Variants in CA5A observed in about 807,000 individuals in gnomAD.
CA5A encodes carbonic anhydrase 5A, mitochondrial.
CA5A carries 28 observed loss-of-function variants against 37.1 expected under a neutral mutation model. The ratio of observed to expected loss-of-function variants is 0.75; its 90% CI spans 0.56 to 1.03. The LOEUF is 1.03. Ranked by LOEUF, CA5A falls within the 50% of genes least tolerant of loss-of-function variation. CA5A has a pLI of 0.00. For missense variants in CA5A, 444 were observed against 399.9 expected (o/e 1.11, Z -0.94); for synonymous variants, 171 against 158.4 (o/e 1.08, Z -0.60).
Position 87,919,325 on chromosome 16 carries a change from G to A in CA5A, c.340+7423C>T, listed in dbSNP as rs546601279. On this transcript the variant is annotated intron_variant, in intron 2 of 6. Coordinates refer to ENST00000649794, the MANE Select transcript of CA5A (RefSeq NM_001739.2). The stretch of plus-strand genomic sequence containing the variant: ...TCCTCGGCTGTCCTGCGGGAGTGCT[G>A]CCTCCCACTCTCCAAACACACCTTG... Among the ~76,000 whole-genome samples, 352 of 152,298 alleles carry A rather than the reference G, an allele frequency of 2.3e-3. 4 individuals are homozygous for A. In the Middle Eastern group the frequency reaches 0.024, roughly 10 times the overall value.
At chr16:87,898,442 A>T (rs1293184554) in intron 5 of CA5A, among the ~76,000 whole-genome samples, 1 of 152,224 alleles carries the variant, frequency 6.6e-6, no homozygotes, top group Non-Finnish European at 1.5e-5. Flanking sequence ...AGCATTTTCC[A>T]TCACAAGGCC....
rs1398236888 is a variant in CA5A, at chr16:87,891,794, C to G, written c.774+5G>C. Reference sequence around the variant, plus strand: ...GCCATCGTGCCAGTTACGGGCACGGCTCACCTGGCTTGGGGCCACTTCAAC... The same window carrying G: ...GCCATCGTGCCAGTTACGGGCACGGGTCACCTGGCTTGGGGCCACTTCAAC... On this transcript the variant is annotated splice_donor_5th_base_variant and intron_variant, in intron 6 of 6. Coordinates refer to ENST00000649794, the MANE Select transcript of CA5A (RefSeq NM_001739.2). 3 of 1,503,038 alleles carry G rather than the reference C, an allele frequency of 2.0e-6. No homozygotes were observed. The highest frequency in any genetic ancestry group is 4.5e-4 in the Middle Eastern group (2 of 4,432). 93.1% of individuals were successfully genotyped at this position (1,503,038 alleles called of 1,614,324 possible). A position where few individuals can be genotyped will look rare whatever the true frequency, so the allele number is the denominator to read the frequency against.
chr16:87,908,270 A>T (rs1408685306), intron 2 of CA5A, among the ~76,000 whole-genome samples: 1 of 152,188 alleles, frequency 6.6e-6, no homozygotes, highest in African/African-American at 2.4e-5. Context: ...CAAGTAGCTT[A>T]GCCTCTCTGA....
chr16:87,890,941 T>C (rs2055704351), intron 6 of CA5A, among the ~76,000 whole-genome samples: 1 of 151,744 alleles, frequency 6.6e-6, no homozygotes, highest in South Asian at 2.1e-4. Flanking sequence ...ATTACAGGCA[T>C]GCACCACCAC....
intron 1 of CA5A, among the ~76,000 whole-genome samples, chr16:87,935,982 C>G (rs1432350343): frequency 6.6e-6 from 1 of 152,008 alleles, no homozygotes; most frequent in Non-Finnish European, 1.5e-5. Flanking sequence ...ACCAACCTGG[C>G]TAACACAGTG....
At chr16:87,896,998 C>A (rs774475365) in intron 5 of CA5A, among the ~76,000 whole-genome samples, 19 of 152,262 alleles carry the variant, frequency 1.2e-4, no homozygotes, top group Non-Finnish European at 2.8e-4. Flanking sequence ...AAGCCCCACC[C>A]AGCCTAACTC....
chr16:87,926,955 G>C lies in CA5A; in HGVS notation c.143-10C>G. On this transcript the variant is annotated splice_polypyrimidine_tract_variant and intron_variant, in intron 1 of 6. Coordinates refer to ENST00000649794, the MANE Select transcript of CA5A (RefSeq NM_001739.2). ...GTCCAGAGTGGGTGCACTGCAGGGA[G>C]AGAGACGGAGACCCTGAGTGAGGCA... 6.5e-7 allele frequency: 1 copy of C among 1,531,706 alleles called. No homozygotes were observed. Among genetic ancestry groups the C allele is most frequent in the Non-Finnish European group, 8.9e-7 (1 of 1,126,160 alleles). The allele number at this position is 1,531,706 out of a possible 1,614,324, so 94.9% of individuals were successfully genotyped here. A position where few individuals can be genotyped will look rare whatever the true frequency, so the allele number is the denominator to read the frequency against.
chr16:87,920,005 G>A (rs1026563067), intron 2 of CA5A, among the ~76,000 whole-genome samples: 13 of 152,198 alleles, frequency 8.5e-5, no homozygotes, highest in Admixed American at 5.9e-4. Flanking sequence ...GCCTGTACCA[G>A]CATTCCCCAT....
intron 2 of CA5A, among the ~76,000 whole-genome samples, chr16:87,921,890 C>T (rs1012854240): frequency 6.6e-6 from 1 of 150,906 alleles, no homozygotes; most frequent in African/African-American, 2.4e-5. Context: ...TTTTGAGAGA[C>T]AGGATCTCGC....
chr16:87,924,862 T>C (rs2056282516), intron 2 of CA5A, among the ~76,000 whole-genome samples: 1 of 152,210 alleles, frequency 6.6e-6, no homozygotes, highest in Admixed American at 6.5e-5. Context: ...TGTGGGAGTT[T>C]CTGGGCAGAT....
At chr16:87,892,510 AAATAATAATAATAAT>A (rs371000298) in intron 5 of CA5A, among the ~76,000 whole-genome samples, 3,440 of 135,276 alleles carry the variant, frequency 0.025, 44 homozygotes, top group African/African-American at 0.041. Flanking sequence ...ACTCTGTCTC[AAATAATAATAATAAT>A]AATAATAATA....
At position 87,927,026 on chromosome 16, in the gene CA5A, G is replaced by A. The variant is rs777104853; in HGVS notation, c.143-81C>T. On this transcript the variant is annotated intron_variant, in intron 1 of 6. Transcript: ENST00000649794. The stretch of plus-strand genomic sequence containing the variant: ...GGACGGACAGGGCAGAAACCCGGCC[G>A]CACGAGACCCCTCACGTCCTGGCTC... The A allele has an allele frequency of 5.4e-5, 53 of 979,546 alleles. 2 individuals are homozygous for A. The South Asian group carries it at 6.2e-4, about 11-fold the overall frequency. The allele number at this position is 979,546 out of a possible 1,614,324, so 60.7% of individuals were successfully genotyped here.
chr16:87,898,769 C>G (rs2143933926), intron 5 of CA5A, among the ~76,000 whole-genome samples: 1 of 141,956 alleles, frequency 7.0e-6, no homozygotes, highest in East Asian at 2.0e-4. Flanking sequence ...GATTCTCGAG[C>G]TGTCACCCAG....
At chr16:87,923,869 A>G in intron 2 of CA5A, 1 of 984,188 alleles carries the variant, frequency 1.0e-6, no homozygotes. Flanking sequence ...CAAAATTACT[A>G]ATACATTCAC....
At chr16:87,918,907 G>A (rs2056192467) in intron 2 of CA5A, among the ~76,000 whole-genome samples, 1 of 152,204 alleles carries the variant, frequency 6.6e-6, no homozygotes, top group Non-Finnish European at 1.5e-5. Context: ...GAGACGGGGA[G>A]GGGACCGGGA....
At chr16:87,898,070 G>A (rs997420797) in intron 5 of CA5A, among the ~76,000 whole-genome samples, 17 of 152,194 alleles carry the variant, frequency 1.1e-4, no homozygotes, top group Non-Finnish European at 2.4e-4. Context: ...CCTGAGCACT[G>A]CATAGAAGCC....
At chr16:87,909,466 G>C (rs776457982) in intron 2 of CA5A, among the ~76,000 whole-genome samples, 3 of 152,252 alleles carry the variant, frequency 2.0e-5, no homozygotes, top group Non-Finnish European at 4.4e-5. Context: ...TGCAAAGGAA[G>C]GCTGGGCCGC....
At chr16:87,923,219 C>G (rs1406986141) in intron 2 of CA5A, among the ~76,000 whole-genome samples, 1 of 152,172 alleles carries the variant, frequency 6.6e-6, no homozygotes, top group Admixed American at 6.6e-5. Context: ...GATGGAGTCT[C>G]GCTCTGTCAC....
At chr16:87,919,630 G>A (rs917997652) in intron 2 of CA5A, among the ~76,000 whole-genome samples, 9 of 152,144 alleles carry the variant, frequency 5.9e-5, no homozygotes, top group African/African-American at 1.9e-4. Context: ...GTTGCAGCCC[G>A]GACTCTTTAG....
Sources: allele counts gnomAD v4.1 joint callset (sites outside exome capture counted in the v4.1 genomes callset), GRCh38; gene constraint gnomAD v4.1.1; transcripts MANE v1.5; gene names NCBI Gene and HGNC (gene_info 2026-07-23, HGNC 2026-07-21).